Variants in LRRD1 observed in about 807,000 individuals in gnomAD.
The protein encoded by LRRD1 is leucine-rich repeat and death domain-containing protein 1.
LRRD1 carries 49 observed loss-of-function variants against 69.5 expected under a neutral mutation model. The ratio of observed to expected loss-of-function variants is 0.70; its 90% CI spans 0.56 to 0.89. The LOEUF (loss-of-function observed/expected upper bound fraction) is 0.89, where lower values mean the gene tolerates loss of function less well. Ranked by LOEUF, LRRD1 falls within the 40% of genes least tolerant of loss-of-function variation. LRRD1 has a pLI of 0.00. For synonymous variants in LRRD1, 303 were observed against 338.9 expected (o/e 0.89, Z 1.16); for missense variants, 853 against 956.0 (o/e 0.89, Z 1.42).
chr7:92,172,944 A>G (rs867283040), intron 1 of LRRD1, among the ~76,000 whole-genome samples: 1 of 152,314 alleles, frequency 6.6e-6, no homozygotes, highest in Middle Eastern at 3.4e-3. Context: ...ACTCCAAATT[A>G]TACCCCAAAG....
intron 1 of LRRD1, among the ~76,000 whole-genome samples, chr7:92,166,127 T>C (rs1201302186): frequency 6.6e-6 from 1 of 152,238 alleles, no homozygotes; most frequent in Middle Eastern, 3.2e-3. Flanking sequence ...GAGTGACTCC[T>C]GTGGTACCAG....
Position 92,164,017 on chromosome 7 carries a change from T to C in LRRD1, c.1186A>G (p.Met396Val), listed in dbSNP as rs1047834240. The change falls in exon 2 of 6, where the codon ATG becomes GTG. Residue 396 changes from methionine to valine, a missense_variant. Physicochemically the swap from Met to Val is conservative, Grantham distance 21. Around this residue, in one of 3 missense-constraint regions of LRRD1, gnomAD observed 739 missense variants for 808.0 expected, o/e 0.91. Transcript: ENST00000458448. The part of the protein sequence containing the change: ...NIPEKISCCA[M>V]LECLSLSDNK... ...TCACTAAGACTAAGGCATTCCAACA[T>C]TGCACAGCAAGATATTTTCTCTGGT... is the stretch of plus-strand genomic sequence containing the variant. 1 of 1,539,760 alleles carries C rather than the reference T, an allele frequency of 6.5e-7. No individual in the cohort carries two copies. Among genetic ancestry groups the C allele is most frequent in the African/African-American group, 1.4e-5 (1 of 72,186 alleles).
At chr7:92,143,865 C>G (rs2130974078), downstream of LRRD1, among the ~76,000 whole-genome samples, 1 of 152,364 alleles carries the variant, frequency 6.6e-6, no homozygotes, top group East Asian at 1.9e-4. Context: ...GCTGTGAGGA[C>G]TGCCAGCACG....
chr7:92,173,654 G>A (rs1789104444), intron 1 of LRRD1, among the ~76,000 whole-genome samples: 1 of 152,102 alleles, frequency 6.6e-6, no homozygotes, highest in South Asian at 2.1e-4. Flanking sequence ...AGTTAAAATG[G>A]TTTTCATTAA....
intron 1 of LRRD1, among the ~76,000 whole-genome samples, chr7:92,173,431 T>TA (rs1481927172): frequency 6.6e-6 from 1 of 151,974 alleles, no homozygotes; most frequent in African/African-American, 2.4e-5. Flanking sequence ...TGTGAGAAAA[T>TA]ATTTGCAAAC....
At position 92,156,016 on chromosome 7, in the gene LRRD1, C is replaced by T. The variant is rs7805769; in HGVS notation, c.2116+2989G>A. ...GGGTGGGTCTGCCTCTCCCAGTCCACTGACTCAGATGTTAATCTCCTTTGG... is the reference window on the plus strand; with the variant it reads ...GGGTGGGTCTGCCTCTCCCAGTCCATTGACTCAGATGTTAATCTCCTTTGG... On this transcript the variant is annotated intron_variant, in intron 3 of 5. Coordinates refer to ENST00000458448, the MANE Select transcript of LRRD1 (RefSeq NM_001161528.2). 2.8e-3 allele frequency among the ~76,000 whole-genome samples: 422 copies of T among 152,334 alleles called. 1 individual carries two copies. The highest frequency in any genetic ancestry group is 9.8e-3 in the African/African-American group (407 of 41,586).
intron 2 of LRRD1, among the ~76,000 whole-genome samples, chr7:92,159,491 C>T (rs954304770): frequency 1.3e-5 from 2 of 152,030 alleles, no homozygotes; most frequent in South Asian, 2.1e-4. Context: ...TGTTCATTAC[C>T]TCCTTATCCC....
In LRRD1 at chr7:92,175,100, C is replaced by A. The variant is rs541868387; in HGVS notation, c.-75+3907G>T. The stretch of plus-strand genomic sequence containing the variant: ...AACAAAACACAAAACACAAAAAAAA[C>A]CCATAATGTGTGTCCATATTATCTC... On this transcript the variant is annotated intron_variant, in intron 1 of 5. Coordinates refer to ENST00000458448, the MANE Select transcript of LRRD1 (RefSeq NM_001161528.2). Among the ~76,000 whole-genome samples the A allele has an allele frequency of 3.0e-3, 451 of 151,904 alleles. 4 individuals carry two copies. Among genetic ancestry groups the A allele is most frequent in the African/African-American group, 0.01 (429 of 41,432 alleles).
intron 4 of LRRD1, among the ~76,000 whole-genome samples, chr7:92,150,122 C>A (rs965848208): frequency 3.3e-5 from 5 of 152,192 alleles, no homozygotes; most frequent in Non-Finnish European, 7.3e-5. Context: ...CATATCTCTG[C>A]CAGATTGAAA....
At chr7:92,174,510 T>TTA (rs1789146442) in intron 1 of LRRD1, among the ~76,000 whole-genome samples, 2 of 12,610 alleles carry the variant, frequency 1.6e-4, no homozygotes, top group Admixed American at 2.3e-3. Context: ...TATATATATA[T>TTA]TTTTTTTTTT....
chr7:92,157,895 TTTGAAATAC>T (rs898772618), intron 3 of LRRD1, among the ~76,000 whole-genome samples: 2 of 152,092 alleles, frequency 1.3e-5, no homozygotes, highest in African/African-American at 4.8e-5. Context: ...TGATTTCTTC[TTTGAAATAC>T]TTGAAAGAAT....
chr7:92,158,375 A>G (rs886113043), intron 3 of LRRD1, among the ~76,000 whole-genome samples: 1 of 152,016 alleles, frequency 6.6e-6, no homozygotes, highest in Admixed American at 6.6e-5. Context: ...AAATAAATAA[A>G]CAAACAGATA....
At chr7:92,173,319 G>A (rs1202832956) in intron 1 of LRRD1, among the ~76,000 whole-genome samples, 1 of 152,110 alleles carries the variant, frequency 6.6e-6, no homozygotes, top group Non-Finnish European at 1.5e-5. Context: ...CAAAAGTACA[G>A]GCAACAAAAG....
rs1788899386 is a variant in LRRD1, at chr7:92,165,933, C to A, written c.-74-657G>T. 2.0e-5 allele frequency among the ~76,000 whole-genome samples: 3 copies of A among 150,794 alleles called. No individual in the cohort carries two copies. The South Asian group carries it at 6.3e-4, about 32-fold the overall frequency. On this transcript the variant is annotated intron_variant, in intron 1 of 5. Transcript: ENST00000458448. The stretch of plus-strand genomic sequence containing the variant: ...GGCCTACCATGACAGGTAAAGAGTA[C>A]CATTCTCACTGTGAACATGGATGTT...
intron 3 of LRRD1, among the ~76,000 whole-genome samples, chr7:92,154,558 T>C (rs1788607447): frequency 6.6e-6 from 1 of 151,806 alleles, no homozygotes; most frequent in South Asian, 2.1e-4. Context: ...TAATATTTTT[T>C]CACTTTTTTT....
intron 1 of LRRD1, among the ~76,000 whole-genome samples, chr7:92,170,973 G>A (rs1440852995): frequency 1.3e-5 from 2 of 152,030 alleles, no homozygotes; most frequent in African/African-American, 4.8e-5. Context: ...AGAAATTAAG[G>A]AAATTAAAAA....
At chr7:92,158,597 A>G (rs1322524652) in intron 3 of LRRD1, among the ~76,000 whole-genome samples, 1 of 152,138 alleles carries the variant, frequency 6.6e-6, no homozygotes, top group Non-Finnish European at 1.5e-5. Flanking sequence ...TTACCTTGTA[A>G]ATGACTCCAT....
chr7:92,174,501 ATATATATATTTTTTTTT>A (rs1789136424), intron 1 of LRRD1, among the ~76,000 whole-genome samples: 3 of 20,026 alleles, frequency 1.5e-4, no homozygotes, highest in African/African-American at 3.6e-4. Context: ...ATATATATAT[ATATATATATTTTTTTTT>A]TTTTTTTTTT....
chr7:92,175,563 G>A (rs892769548), intron 1 of LRRD1, among the ~76,000 whole-genome samples: 4 of 152,006 alleles, frequency 2.6e-5, no homozygotes, highest in Non-Finnish European at 5.9e-5. Context: ...CAGGAGAATC[G>A]CCTGAACCCA....
Sources: gnomAD v4.1 joint callset for allele counts (sites outside exome capture counted in the v4.1 genomes callset) on GRCh38, gnomAD v4.1.1 for gene constraint, gnomAD v4.1.1 regional missense constraint, MANE v1.5 for transcripts, NCBI Gene and HGNC (gene_info 2026-07-23, HGNC 2026-07-21) for gene names.